Variants in TMEM232 observed in about 807,000 individuals in gnomAD.
TMEM232 encodes transmembrane protein 232.
TMEM232 carries 80 observed loss-of-function variants against 78.8 expected under a neutral mutation model. That is an observed-to-expected ratio of 1.01 (90% confidence interval 0.85 to 1.22). TMEM232 has a LOEUF of 1.22. TMEM232 is among the 50% of genes most tolerant of loss of function. The probability of loss-of-function intolerance (pLI) is 0.00; values close to 1 mark genes in which losing one functional copy is unlikely to be tolerated. For synonymous variants in TMEM232, 297 were observed against 254.3 expected, an observed-to-expected ratio of 1.17 and a Z score of -1.60; for missense variants, 881 against 742.2, an observed-to-expected ratio of 1.19 and a Z score of -2.17.
At chr5:110,587,685 ATATATATGTGTGTG>A (rs1484185380) in intron 10 of TMEM232, among the ~76,000 whole-genome samples, 960 of 90,444 alleles carry the variant, frequency 0.011, 6 homozygotes, top group African/African-American at 0.035. Context: ...ATATATATAT[ATATATATGTGTGTG>A]TGTGTGTGTG....
chr5:110,575,687 C>T (rs552280131), intron 10 of TMEM232, among the ~76,000 whole-genome samples: 7 of 152,044 alleles, frequency 4.6e-5, no homozygotes, highest in Admixed American at 1.3e-4. Flanking sequence ...AGAATGGTGG[C>T]CAACCAGGGA....
chr5:110,479,405 T>TA (rs941703012), intron 12 of TMEM232, among the ~76,000 whole-genome samples: 4 of 151,434 alleles, frequency 2.6e-5, no homozygotes, highest in African/African-American at 7.3e-5. Flanking sequence ...GATAAGGAAA[T>TA]AAAAAAAATT....
At chr5:110,587,689 A>ATGTGTGTG (rs1313192902) in intron 10 of TMEM232, among the ~76,000 whole-genome samples, 20 of 53,252 alleles carry the variant, frequency 3.8e-4, no homozygotes, top group Middle Eastern at 7.5e-3. Context: ...ATATATATAT[A>ATGTGTGTG]TATGTGTGTG....
chr5:110,527,072 G>C (rs1380748469), intron 12 of TMEM232, among the ~76,000 whole-genome samples: 1 of 151,832 alleles, frequency 6.6e-6, no homozygotes, highest in Non-Finnish European at 1.5e-5. Context: ...AGAAATTACT[G>C]ATGTTATTAC....
At position 110,642,327 on chromosome 5, in the gene TMEM232, T is replaced by A. The variant is rs1203374066; in HGVS notation, c.170A>T (p.Gln57Leu). ...ITKEFILRFN[Q>L]TQNSKEKEEL... ...TTCCTTCTCTTTGGAATTTTGTGTT[T>A]GATTGAATCTCAAGATGAATTCTTT... Residue 57 changes from glutamine to leucine, a missense_variant, in exon 3 of 14, where the codon CAA becomes CTA. Transcript: ENST00000455884. 2.0e-6 allele frequency: 3 copies of A among 1,538,406 alleles called. No homozygotes were observed. The highest frequency in any genetic ancestry group is 2.8e-5 in the African/African-American group (2 of 72,378).
upstream of TMEM232, among the ~76,000 whole-genome samples, chr5:110,729,131 C>G (rs1798432571): frequency 6.6e-6 from 1 of 152,106 alleles, no homozygotes; most frequent in Non-Finnish European, 1.5e-5. Context: ...GTAATCCACC[C>G]ACCTTGGCAT....
At chr5:110,406,014 AACAG>A (rs930220415) in intron 2 of TMEM232, among the ~76,000 whole-genome samples, 46 of 152,032 alleles carry the variant, frequency 3.0e-4, no homozygotes, top group African/African-American at 9.9e-4. Context: ...AAATCTTAAA[AACAG>A]ACAGGGGAAA....
At chr5:110,585,275 G>A (rs1778682587) in intron 10 of TMEM232, among the ~76,000 whole-genome samples, 1 of 152,094 alleles carries the variant, frequency 6.6e-6, no homozygotes, top group Non-Finnish European at 1.5e-5. Flanking sequence ...CATGTACAGG[G>A]CTAGATTAAA....
intron 11 of TMEM232, among the ~76,000 whole-genome samples, chr5:110,565,115 T>C (rs1005515658): frequency 2.0e-5 from 3 of 152,010 alleles, no homozygotes; most frequent in African/African-American, 7.2e-5. Flanking sequence ...CAACATTTGC[T>C]GTTGAATTTT....
chr5:110,683,170 C>G lies in TMEM232; in HGVS notation c.-12-15806G>C, dbSNP rs181626670. 2.3e-3 allele frequency among the ~76,000 whole-genome samples: 349 copies of G among 152,032 alleles called. 6 individuals carry two copies. Among genetic ancestry groups the G allele is most frequent in the African/African-American group, 8.0e-3 (334 of 41,492 alleles). ...TAATTAATTATATAAATGGACTAAG[C>G]AATAAATACTTTAAACATGAAAATA... is the stretch of plus-strand genomic sequence containing the variant. On this transcript the variant is annotated intron_variant, in intron 1 of 13. Coordinates refer to ENST00000455884, the MANE Select transcript of TMEM232 (RefSeq NM_001039763.4).
intron 11 of TMEM232, among the ~76,000 whole-genome samples, chr5:110,557,778 T>TC (rs932567655): frequency 3.3e-5 from 5 of 151,994 alleles, no homozygotes; most frequent in African/African-American, 1.2e-4. Flanking sequence ...TCCAATCACC[T>TC]CCCCCCAGGC....
chr5:110,668,856 A>G (rs1031438623), intron 1 of TMEM232, among the ~76,000 whole-genome samples: 2 of 152,210 alleles, frequency 1.3e-5, no homozygotes, highest in Admixed American at 1.3e-4. Flanking sequence ...CTGGAAACTG[A>G]ACAACCTGCT....
At chr5:110,708,499 G>C (rs1335351050) in intron 1 of TMEM232, among the ~76,000 whole-genome samples, 1 of 152,088 alleles carries the variant, frequency 6.6e-6, no homozygotes, top group Non-Finnish European at 1.5e-5. Context: ...AAAACTAAAA[G>C]ATGAACCAAT....
intron 8 of TMEM232, among the ~76,000 whole-genome samples, chr5:110,616,045 T>C (rs1782886097): frequency 6.6e-6 from 1 of 151,980 alleles, no homozygotes; most frequent in Non-Finnish European, 1.5e-5. Flanking sequence ...AATTTTAATG[T>C]TATTCTTCAC....
At chr5:110,394,098 C>T (rs1053514721) in intron 3 of TMEM232, among the ~76,000 whole-genome samples, 24 of 152,078 alleles carry the variant, frequency 1.6e-4, no homozygotes, top group African/African-American at 5.6e-4. Context: ...TCCCTCCCCA[C>T]CCAAAACCTT....
At position 110,661,137 on chromosome 5, in the gene TMEM232, C is replaced by T. The variant is rs1469821760; in HGVS notation, c.125+6091G>A. Among the ~76,000 whole-genome samples, 7 of 152,262 alleles carry T rather than the reference C, an allele frequency of 4.6e-5. No homozygotes were observed. In the East Asian group the frequency reaches 1.3e-3, roughly 29 times the overall value. ...TTACTTAACATAATGTCTTCCAGTT[C>T]CACCAATGTTGTTACAAGTGACAGA... On this transcript the variant is annotated intron_variant, in intron 2 of 13. Transcript: ENST00000455884.
intron 12 of TMEM232, among the ~76,000 whole-genome samples, chr5:110,520,922 A>AAAAT (rs1554097708): frequency 1.3e-5 from 2 of 151,902 alleles, no homozygotes; most frequent in African/African-American, 4.8e-5. Context: ...CCATTTCAAA[A>AAAAT]AATAATAATA....
intron 2 of TMEM232, among the ~76,000 whole-genome samples, chr5:110,650,342 A>G (rs1231350667): frequency 6.6e-6 from 1 of 152,132 alleles, no homozygotes; most frequent in Non-Finnish European, 1.5e-5. Flanking sequence ...CAAAATGTTG[A>G]GAAGTAGAAA....
At chr5:110,711,262 GAC>G (rs1447261894) in intron 1 of TMEM232, among the ~76,000 whole-genome samples, 2 of 152,002 alleles carry the variant, frequency 1.3e-5, no homozygotes, top group African/African-American at 2.4e-5. Flanking sequence ...TTGAAGAAGA[GAC>G]ACAAAAAAAC....
Sources: gnomAD v4.1 joint callset for allele counts (sites outside exome capture counted in the v4.1 genomes callset) on GRCh38, gnomAD v4.1.1 for gene constraint, MANE v1.5 for transcripts, NCBI Gene and HGNC (gene_info 2026-07-23, HGNC 2026-07-21) for gene names.